Variants in NYAP2 observed in about 807,000 individuals in gnomAD.
The protein encoded by NYAP2 is neuronal tyrosine-phosphorylated phosphoinositide-3-kinase adaptor 2.
Under a neutral mutation model 50.4 loss-of-function variants are expected in NYAP2, and 23 were observed. The observed-to-expected ratio is 0.46, with a 90% CI of 0.33 to 0.65. The LOEUF is 0.65. Among genes scored for constraint, NYAP2 ranks in the 30% least tolerant of loss-of-function variants. NYAP2 has a pLI of 0.02. For synonymous variants in NYAP2, 394 were observed against 365.2 expected (o/e 1.08, Z -0.90); for missense variants, 885 against 861.0 (o/e 1.03, Z -0.35).
intron 3 of NYAP2, among the ~76,000 whole-genome samples, chr2:225,414,500 T>A (rs1219236423): frequency 6.6e-6 from 1 of 152,136 alleles, no homozygotes. Context: ...TGAGATGGGT[T>A]GCAAAATCCC....
At chr2:225,546,022 C>T (rs948679660) in intron 4 of NYAP2, among the ~76,000 whole-genome samples, 2 of 152,154 alleles carry the variant, frequency 1.3e-5, no homozygotes, top group Non-Finnish European at 2.9e-5. Context: ...TCCTTACTTT[C>T]TCTCAAACAA....
At position 225,605,345 on chromosome 2, in the gene NYAP2, T is replaced by A. The variant is rs181782202; in HGVS notation, c.1619-21572T>A. 5.5e-3 allele frequency among the ~76,000 whole-genome samples: 844 copies of A among 152,240 alleles called. 8 individuals carry two copies. Among genetic ancestry groups the A allele is most frequent in the African/African-American group, 0.018 (760 of 41,574 alleles). ...TAAAAGTGGGAACTCTTATCTTTTT[T>A]AAAAAAATTTATAGTCATAGAAGAC... On this transcript the variant is annotated intron_variant, in intron 5 of 6. Transcript: ENST00000636099.
intron 4 of NYAP2, among the ~76,000 whole-genome samples, chr2:225,529,646 A>G (rs1399854414): frequency 1.3e-5 from 2 of 152,016 alleles, no homozygotes; most frequent in East Asian, 3.9e-4. Flanking sequence ...TTATATAAGC[A>G]TGTTCCCTGG....
Position 225,635,449 on chromosome 2 carries a change from G to A in NYAP2, c.1828+8323G>A, listed in dbSNP as rs184341555. Among the ~76,000 whole-genome samples the A allele has an allele frequency of 1.4e-4, 22 of 152,286 alleles. 1 individual carries two copies. The South Asian group carries it at 4.3e-3, about 30-fold the overall frequency. On this transcript the variant is annotated intron_variant, in intron 6 of 6. Transcript: ENST00000636099. ...GATTAAATTAAAAAATGCATGGAAT[G>A]CTTGGTACAAAGCCGGTTTATAACA...
At chr2:225,695,935 C>T in the NYAP2 span, among the ~76,000 whole-genome samples, 3 of 151,918 alleles carry the variant, frequency 2.0e-5, no homozygotes, top group Non-Finnish European at 4.4e-5. Context: ...AAATTAGGTA[C>T]AAGCAAGATA....
intron 5 of NYAP2, among the ~76,000 whole-genome samples, chr2:225,605,744 G>C (rs1692773911): frequency 6.6e-6 from 1 of 151,896 alleles, no homozygotes; most frequent in Non-Finnish European, 1.5e-5. Flanking sequence ...CCTGTAACAT[G>C]TTTTCTCCCA....
chr2:225,669,245 CT>C, the NYAP2 span, among the ~76,000 whole-genome samples: 1 of 151,948 alleles, frequency 6.6e-6, no homozygotes, highest in African/African-American at 2.4e-5. Flanking sequence ...CTATCTCTTT[CT>C]TTTTACAAAA....
intron 3 of NYAP2, among the ~76,000 whole-genome samples, chr2:225,437,310 A>C (rs1444311136): frequency 6.6e-6 from 1 of 152,162 alleles, no homozygotes; most frequent in Non-Finnish European, 1.5e-5. Context: ...TGTGAAGGAT[A>C]CTTTCTGCTC....
At chr2:225,632,621 A>T (rs1014649910) in intron 6 of NYAP2, among the ~76,000 whole-genome samples, 2 of 152,250 alleles carry the variant, frequency 1.3e-5, no homozygotes, top group Non-Finnish European at 2.9e-5. Flanking sequence ...AGTAAATCAC[A>T]GATTCCCCAC....
intron 3 of NYAP2, among the ~76,000 whole-genome samples, chr2:225,471,954 T>C (rs1690017892): frequency 6.8e-6 from 1 of 148,004 alleles, no homozygotes; most frequent in South Asian, 2.4e-4. Context: ...AAAATGATAA[T>C]AAGACTGTTT....
At chr2:225,409,233 A>G (rs961864051) in intron 3 of NYAP2, 132 bp downstream of exon 3, 19 of 633,678 alleles carry the variant, frequency 3.0e-5, no homozygotes, top group Non-Finnish European at 4.0e-5. Context: ...AGCATATGAA[A>G]GCGACCCCTC....
At chr2:225,406,323 G>T (rs1384087798) in intron 2 of NYAP2, among the ~76,000 whole-genome samples, 1 of 151,856 alleles carries the variant, frequency 6.6e-6, no homozygotes, top group African/African-American at 2.4e-5. Flanking sequence ...TTTAGACATT[G>T]ACAGGGCCTG....
At chr2:225,446,431 AAAAACAAAAC>A (rs1329695283) in intron 3 of NYAP2, among the ~76,000 whole-genome samples, 1 of 151,894 alleles carries the variant, frequency 6.6e-6, no homozygotes, top group Non-Finnish European at 1.5e-5. Context: ...AAAAGATGCA[AAAAACAAAAC>A]AAAACAAAAC....
At chr2:225,587,267 C>T (rs991431619) in intron 5 of NYAP2, among the ~76,000 whole-genome samples, 4 of 152,138 alleles carry the variant, frequency 2.6e-5, no homozygotes, top group Non-Finnish European at 5.9e-5. Context: ...TGAAAAAGTA[C>T]AAGATCTACT....
At chr2:225,686,018 T>C in the NYAP2 span, among the ~76,000 whole-genome samples, 1 of 152,174 alleles carries the variant, frequency 6.6e-6, no homozygotes, top group East Asian at 1.9e-4. Context: ...TTACCCGTAA[T>C]AATTTACTTA....
At chr2:225,640,066 A>G (rs1042631864) in intron 6 of NYAP2, among the ~76,000 whole-genome samples, 3 of 152,136 alleles carry the variant, frequency 2.0e-5, no homozygotes, top group Non-Finnish European at 4.4e-5. Flanking sequence ...CCATTTATGG[A>G]TTTTTAACCC....
At chr2:225,650,785 G>A (rs2106272093) in intron 6 of NYAP2, among the ~76,000 whole-genome samples, 1 of 152,284 alleles carries the variant, frequency 6.6e-6, no homozygotes, top group East Asian at 1.9e-4. Context: ...CTGGATGAAG[G>A]GAACTCTTTC....
chr2:225,570,547 G>A (rs1475658792), intron 4 of NYAP2, among the ~76,000 whole-genome samples: 1 of 152,106 alleles, frequency 6.6e-6, no homozygotes, highest in African/African-American at 2.4e-5. Context: ...GCCAACAGGG[G>A]AAATGCCAGA....
chr2:225,437,143 T>G (rs531878377), intron 3 of NYAP2, among the ~76,000 whole-genome samples: 2 of 152,244 alleles, frequency 1.3e-5, no homozygotes, highest in South Asian at 4.1e-4. Context: ...TGTTATTTGG[T>G]GTCTAGTTTC....
Sources: allele counts gnomAD v4.1 joint callset (sites outside exome capture counted in the v4.1 genomes callset), GRCh38; gene constraint gnomAD v4.1.1; transcripts MANE v1.5; gene names NCBI Gene and HGNC (gene_info 2026-07-23, HGNC 2026-07-21).